Variants in SGCD observed in about 807,000 individuals in gnomAD.
The protein encoded by SGCD is delta-sarcoglycan.
Under a neutral mutation model 36.6 loss-of-function variants are expected in SGCD, and 18 were observed. The observed-to-expected ratio is 0.49, with a 90% confidence interval of 0.34 to 0.73. The LOEUF is 0.73. Ranked by LOEUF, SGCD falls within the 30% of genes least tolerant of loss-of-function variation. SGCD has a pLI of 0.01. For synonymous variants in SGCD, 133 were observed against 130.6 expected, an observed-to-expected ratio of 1.02 and a Z score of -0.12; for missense variants, 387 against 346.7, an observed-to-expected ratio of 1.12 and a Z score of -0.92.
intron 3 of SGCD, among the ~76,000 whole-genome samples, chr5:156,257,010 T>A (rs2127663431): frequency 6.6e-6 from 1 of 151,972 alleles, no homozygotes; most frequent in South Asian, 2.1e-4. Flanking sequence ...GAGACCCCCA[T>A]CTCCACAAAT....
chr5:156,055,519 G>A (rs1219650000), intron 1 of SGCD, among the ~76,000 whole-genome samples: 1 of 146,402 alleles, frequency 6.8e-6, no homozygotes, highest in Non-Finnish European at 1.5e-5. Context: ...TTTGAAGATT[G>A]TTACTTGGTG....
At chr5:156,509,380 A>T (rs1756838909) in intron 4 of SGCD, among the ~76,000 whole-genome samples, 1 of 152,174 alleles carries the variant, frequency 6.6e-6, no homozygotes, top group South Asian at 2.1e-4. Flanking sequence ...AGCCAAGATC[A>T]CGCCACTGGA....
At chr5:155,836,481 G>A in the SGCD span, among the ~76,000 whole-genome samples, 11 of 60,582 alleles carry the variant, frequency 1.8e-4, no homozygotes, top group East Asian at 5.7e-4. Context: ...CCCCCGCCCC[G>A]CACTCAATCC....
At chr5:156,513,220 G>C (rs1434113858) in intron 4 of SGCD, among the ~76,000 whole-genome samples, 1 of 152,204 alleles carries the variant, frequency 6.6e-6, no homozygotes, top group Non-Finnish European at 1.5e-5. Context: ...GTTATTGCCA[G>C]CTGAAAGAAA....
intron 1 of SGCD, among the ~76,000 whole-genome samples, chr5:155,965,488 G>T (rs1757884895): frequency 6.6e-6 from 1 of 152,068 alleles, no homozygotes. Flanking sequence ...CTACATTGTA[G>T]AGAGACAAAA....
At chr5:155,763,630 G>A in the SGCD span, among the ~76,000 whole-genome samples, 1 of 152,160 alleles carries the variant, frequency 6.6e-6, no homozygotes, top group Non-Finnish European at 1.5e-5. Context: ...CAAAGAGAGT[G>A]TGGCTGCATA....
chr5:156,023,810 C>A (rs751430292), intron 1 of SGCD, among the ~76,000 whole-genome samples: 1 of 151,636 alleles, frequency 6.6e-6, no homozygotes, highest in African/African-American at 2.4e-5. Context: ...AGAGTTTTCA[C>A]GAAGCTCTGC....
chr5:156,255,328 A>G (rs1765688715), intron 3 of SGCD, among the ~76,000 whole-genome samples: 1 of 152,188 alleles, frequency 6.6e-6, no homozygotes, highest in Non-Finnish European at 1.5e-5. Context: ...GCTCAATTTG[A>G]AAAGTTCTTT....
At chr5:155,814,372 T>C in the SGCD span, among the ~76,000 whole-genome samples, 1 of 152,260 alleles carries the variant, frequency 6.6e-6, no homozygotes, top group Non-Finnish European at 1.5e-5. Flanking sequence ...CCTCCAACAC[T>C]GGTTATTCAC....
intron 1 of SGCD, among the ~76,000 whole-genome samples, chr5:156,004,390 C>T (rs1758718086): frequency 6.6e-6 from 1 of 152,034 alleles, no homozygotes; most frequent in East Asian, 1.9e-4. Context: ...ATGATGATCC[C>T]TTCTATTTTA....
chr5:156,340,490 T>C (rs1768593611), intron 2 of SGCD, among the ~76,000 whole-genome samples: 1 of 152,206 alleles, frequency 6.6e-6, no homozygotes, highest in Non-Finnish European at 1.5e-5. Context: ...TGGGAAGTGC[T>C]GCAAACCATA....
At chr5:156,253,033 C>T (rs762821949) in intron 3 of SGCD, among the ~76,000 whole-genome samples, 14 of 152,180 alleles carry the variant, frequency 9.2e-5, no homozygotes, top group African/African-American at 2.4e-5. Context: ...TCTATGCTTA[C>T]AAGTAGTAAA....
chr5:156,414,236 G>T (rs997437393), intron 3 of SGCD, among the ~76,000 whole-genome samples: 2 of 152,138 alleles, frequency 1.3e-5, no homozygotes, highest in African/African-American at 2.4e-5. Context: ...ATTTTCTAAA[G>T]CACGGTTCTT....
At chr5:156,154,165 C>T (rs1762893790) in intron 3 of SGCD, among the ~76,000 whole-genome samples, 1 of 151,654 alleles carries the variant, frequency 6.6e-6, no homozygotes, top group Admixed American at 6.6e-5. Context: ...TGTCCAGTAA[C>T]TTGCTCAAAG....
intron 4 of SGCD, among the ~76,000 whole-genome samples, chr5:156,584,264 T>C (rs75354763): frequency 0.035 from 5,279 of 152,288 alleles, 216 homozygotes; most frequent in African/African-American, 0.091. Flanking sequence ...TAACAAGGTC[T>C]TTCCTGACCA....
chr5:156,425,109 T>C (rs1424841082), intron 3 of SGCD, among the ~76,000 whole-genome samples: 2 of 152,104 alleles, frequency 1.3e-5, no homozygotes, highest in African/African-American at 4.8e-5. Context: ...GCCAACCTTA[T>C]AAGCAACCCT....
At chr5:156,664,393 A>G (rs1764058456) in intron 7 of SGCD, among the ~76,000 whole-genome samples, 1 of 149,712 alleles carries the variant, frequency 6.7e-6, no homozygotes, top group Non-Finnish European at 1.5e-5. Context: ...CTTTTGAGCA[A>G]CATCTTGGAG....
chr5:156,427,021 T>C (rs1773702496), intron 3 of SGCD, among the ~76,000 whole-genome samples: 1 of 152,162 alleles, frequency 6.6e-6, no homozygotes, highest in Non-Finnish European at 1.5e-5. Context: ...GCTTTGGCTA[T>C]GTGGGCTCCT....
At chr5:156,646,748 A>G (rs775042701) in intron 6 of SGCD, among the ~76,000 whole-genome samples, 1 of 152,210 alleles carries the variant, frequency 6.6e-6, no homozygotes, top group Non-Finnish European at 1.5e-5. Flanking sequence ...GGCTTAAATG[A>G]TTTGAAAACA....
Sources: gnomAD v4.1 joint callset for allele counts (sites outside exome capture counted in the v4.1 genomes callset) on GRCh38, gnomAD v4.1.1 for gene constraint, MANE v1.5 for transcripts, NCBI Gene and HGNC (gene_info 2026-07-23, HGNC 2026-07-21) for gene names.